The following SLCO5A1 variants were observed in gnomAD, a reference collection of about 807,000 sequenced individuals.
SLCO5A1 encodes organic anion transporter polypeptide-related protein 4.
Under a neutral mutation model 65.1 loss-of-function variants are expected in SLCO5A1, and 39 were observed. That is an observed-to-expected ratio of 0.60 (90% confidence interval 0.46 to 0.78). SLCO5A1 has a LOEUF of 0.78. Among genes scored for constraint, SLCO5A1 ranks in the 30% least tolerant of loss-of-function variants. The pLI is 0.00. For missense variants in SLCO5A1, 1,029 were observed against 1,069.4 expected (o/e 0.96, Z 0.53); for synonymous variants, 438 against 415.7 (o/e 1.05, Z -0.65).
chr8:69,783,365 C>A (rs1818882860), intron 2 of SLCO5A1, among the ~76,000 whole-genome samples: 1 of 151,892 alleles, frequency 6.6e-6, no homozygotes, highest in Non-Finnish European at 1.5e-5. Flanking sequence ...TGAGGGGATA[C>A]CCCATTCTCT....
chr8:69,691,870 G>A (rs1335366628), intron 6 of SLCO5A1, among the ~76,000 whole-genome samples: 2 of 152,136 alleles, frequency 1.3e-5, no homozygotes, highest in African/African-American at 2.4e-5. Flanking sequence ...AAACCTGTAC[G>A]GCATATTTGT....
chr8:69,834,086 CCACACACA>C lies in SLCO5A1; in HGVS notation c.-497+760_-497+767del, dbSNP rs60625289. 7.2e-3 allele frequency: 1,039 copies of C among 144,416 alleles called. 7 individuals are homozygous for C. The highest frequency in any genetic ancestry group is 0.016 in the East Asian group (75 of 4,672). 8.9% of individuals were successfully genotyped at this position (144,416 alleles called of 1,614,324 possible). A position where few individuals can be genotyped will look rare whatever the true frequency, so the allele number is the denominator to read the frequency against. ...CTGGGGAGCGTGTGCGCGTGCGCGG[CCACACACA>C]CACACACACACACACACACACACAC... is the stretch of plus-strand genomic sequence containing the variant. On this transcript the variant is annotated intron_variant, in intron 1 of 9. Transcript: ENST00000260126.
chr8:69,765,315 A>G (rs1563710480), intron 2 of SLCO5A1, among the ~76,000 whole-genome samples: 3 of 151,964 alleles, frequency 2.0e-5, no homozygotes. Context: ...ATATGTATAC[A>G]TGTACATATA....
At position 69,728,126 on chromosome 8, in the gene SLCO5A1, G is replaced by C. The variant is rs553930324; in HGVS notation, c.1423+9914C>G. Among the ~76,000 whole-genome samples, 35 of 152,236 alleles carry C rather than the reference G, an allele frequency of 2.3e-4. No individual in the cohort carries two copies. In the South Asian group the frequency reaches 7.3e-3, roughly 32 times the overall value. ...CAGAAATGAGCAAGGTCTCTAGACTGTATGGTACAGAACAGGGCATATAGC... is the reference window on the plus strand; with the variant it reads ...CAGAAATGAGCAAGGTCTCTAGACTCTATGGTACAGAACAGGGCATATAGC... On this transcript the variant is annotated intron_variant, in intron 5 of 9. Transcript: ENST00000260126.
rs1043667459 is a variant in SLCO5A1, at chr8:69,669,315, T to C, written c.*3554A>G. 1.3e-5 allele frequency: 2 copies of C among 152,194 alleles called. No homozygotes were observed. Among genetic ancestry groups the C allele is most frequent in the Non-Finnish European group, 2.9e-5 (2 of 68,028 alleles). 9.4% of individuals were successfully genotyped at this position (152,194 alleles called of 1,614,324 possible). ...TCTCTACTCTTCATAAACGGTAATA[T>C]ATCAAAAAATTGAAATGCTTTAATC... is the stretch of plus-strand genomic sequence containing the variant. On this transcript the variant is annotated 3_prime_UTR_variant, in exon 10 of 10. Coordinates refer to ENST00000260126, the MANE Select transcript of SLCO5A1 (RefSeq NM_030958.3).
At chr8:69,790,191 C>CA (rs374635955) in intron 2 of SLCO5A1, among the ~76,000 whole-genome samples, 4,415 of 53,112 alleles carry the variant, frequency 0.083, 188 homozygotes, top group African/African-American at 0.13. Context: ...GACTCCTTCT[C>CA]AAAAAAAAAA....
At position 69,783,105 on chromosome 8, in the gene SLCO5A1, C is replaced by T. The variant is rs1021186792; in HGVS notation, c.908-21230G>A. On this transcript the variant is annotated intron_variant, in intron 2 of 9. Coordinates refer to ENST00000260126, the MANE Select transcript of SLCO5A1 (RefSeq NM_030958.3). Reference sequence around the variant, plus strand: ...CACACTAAATGCTCATCAATGTCAGCTATAACAATGATCATTATTGTTACT... The same window carrying T: ...CACACTAAATGCTCATCAATGTCAGTTATAACAATGATCATTATTGTTACT... Among the ~76,000 whole-genome samples, 38 of 152,100 alleles carry T rather than the reference C, an allele frequency of 2.5e-4. 1 individual carries two copies. The highest frequency in any genetic ancestry group is 2.2e-3 in the Admixed American group (34 of 15,264).
chr8:69,686,991 G>A (rs1394346648), intron 6 of SLCO5A1, among the ~76,000 whole-genome samples: 32 of 152,194 alleles, frequency 2.1e-4, no homozygotes, highest in Admixed American at 2.0e-3. Context: ...GCGGGTGAAT[G>A]TATGGCCAGT....
intron 2 of SLCO5A1, among the ~76,000 whole-genome samples, chr8:69,830,789 C>T (rs1349157607): frequency 6.6e-6 from 1 of 152,134 alleles, no homozygotes; most frequent in Non-Finnish European, 1.5e-5. Flanking sequence ...TTATGCAAGT[C>T]AACACACCAA....
chr8:69,760,631 A>T (rs1006325657), intron 3 of SLCO5A1, among the ~76,000 whole-genome samples: 13 of 152,230 alleles, frequency 8.5e-5, no homozygotes, highest in African/African-American at 2.9e-4. Context: ...TCTTAACTAT[A>T]AAGTGAAAAT....
At chr8:69,825,586 C>T (rs1820847590) in intron 2 of SLCO5A1, among the ~76,000 whole-genome samples, 1 of 152,102 alleles carries the variant, frequency 6.6e-6, no homozygotes, top group African/African-American at 2.4e-5. Context: ...CATAAAGGAC[C>T]TCTTCAAGGA....
intron 5 of SLCO5A1, among the ~76,000 whole-genome samples, chr8:69,726,604 A>C (rs963444457): frequency 6.7e-6 from 1 of 150,204 alleles, no homozygotes; most frequent in African/African-American, 2.5e-5. Context: ...TGTACAAGCG[A>C]TCCTCCCACC....
intron 2 of SLCO5A1, among the ~76,000 whole-genome samples, chr8:69,783,010 G>C (rs1034464333): frequency 6.6e-6 from 1 of 152,056 alleles, no homozygotes; most frequent in African/African-American, 2.4e-5. Flanking sequence ...TCTATAAATA[G>C]TAGATCATAA....
chr8:69,754,180 A>G (rs1049440582), intron 4 of SLCO5A1, among the ~76,000 whole-genome samples: 1 of 152,156 alleles, frequency 6.6e-6, no homozygotes, highest in Non-Finnish European at 1.5e-5. Context: ...AGATCAGGCC[A>G]TGCCAGCATC....
intron 2 of SLCO5A1, among the ~76,000 whole-genome samples, chr8:69,785,653 A>G (rs138194469): frequency 1.3e-5 from 2 of 152,380 alleles, no homozygotes; most frequent in African/African-American, 4.8e-5. Context: ...TCACAAAACT[A>G]GTAAGCAGTA....
chr8:69,762,118 TTTTCTTTCTTTC>T (rs552749800), intron 2 of SLCO5A1, among the ~76,000 whole-genome samples: 7,466 of 104,514 alleles, frequency 0.071, 468 homozygotes, highest in African/African-American at 0.094. Flanking sequence ...TTTTGTTTTG[TTTTCTTTCTTTC>T]TTTCTTTCTT....
At chr8:69,814,109 A>C (rs1255678174) in intron 2 of SLCO5A1, among the ~76,000 whole-genome samples, 1 of 152,206 alleles carries the variant, frequency 6.6e-6, no homozygotes, top group Non-Finnish European at 1.5e-5. Flanking sequence ...CATAGAGGAA[A>C]GACTACATGA....
chr8:69,824,789 C>T (rs974731214), intron 2 of SLCO5A1, among the ~76,000 whole-genome samples: 1 of 152,192 alleles, frequency 6.6e-6, no homozygotes, highest in Non-Finnish European at 1.5e-5. Context: ...AGACCAGCAT[C>T]ATCCTGATAC....
chr8:69,673,455 GA>G (rs1813418989), intron 9 of SLCO5A1, 129 bp from the exon 10 acceptor site: 5 of 733,986 alleles, frequency 6.8e-6, no homozygotes, highest in Non-Finnish European at 1.1e-5. Context: ...TGTGTTACCA[GA>G]TTTTTTTTAA....
Sources: gnomAD v4.1 joint callset for allele counts (sites outside exome capture counted in the v4.1 genomes callset) on GRCh38, gnomAD v4.1.1 for gene constraint, MANE v1.5 for transcripts, NCBI Gene and HGNC (gene_info 2026-07-23, HGNC 2026-07-21) for gene names.